CXXC5: variants seen among roughly 807,000 people sequenced by gnomAD.
CXXC5 encodes CXXC finger protein 5.
CXXC5 carries 2 observed loss-of-function variants against 17.6 expected under a neutral mutation model. The ratio of observed to expected loss-of-function variants is 0.11; its 90% confidence interval spans 0.05 to 0.36. The LOEUF (loss-of-function observed/expected upper bound fraction) is 0.36, where lower values mean the gene tolerates loss of function less well. Ranked by LOEUF, CXXC5 falls within the 10% of genes least tolerant of loss-of-function variation. CXXC5 has a pLI of 1.00. For synonymous variants in CXXC5, 171 were observed against 193.0 expected (o/e 0.89, Z 0.94); for missense variants, 343 against 458.3 (o/e 0.75, Z 2.30).
At chr5:139,656,480 C>T (rs1173198394) in intron 1 of CXXC5, among the ~76,000 whole-genome samples, 12 of 152,246 alleles carry the variant, frequency 7.9e-5, no homozygotes, top group Non-Finnish European at 1.6e-4. Flanking sequence ...GACACCCTCA[C>T]CCATGAAAAC....
chr5:139,671,457 A>G (rs1357887367), intron 1 of CXXC5, among the ~76,000 whole-genome samples: 1 of 152,180 alleles, frequency 6.6e-6, no homozygotes, highest in African/African-American at 2.4e-5. Context: ...GAGGCTTAGC[A>G]GTGGCTGGGC....
At chr5:139,659,257 G>A (rs1164500418) in intron 1 of CXXC5, among the ~76,000 whole-genome samples, 1 of 152,156 alleles carries the variant, frequency 6.6e-6, no homozygotes, top group Non-Finnish European at 1.5e-5. Context: ...AAGGACTGAG[G>A]TGGGGGGAGG....
At position 139,670,195 on chromosome 5, in the gene CXXC5, C is replaced by CT. The variant is rs1261295412; in HGVS notation, c.-160-10168dup. 6.6e-6 allele frequency among the ~76,000 whole-genome samples: 1 copy of CT among 152,212 alleles called. No individual in the cohort carries two copies. The highest frequency in any genetic ancestry group is 1.5e-5 in the Non-Finnish European group (1 of 68,040). ...CTCCCTCCTCCTCAGCCTCCCGCCTCTCGCCTGCCTCCCCCACGCCTCTGC... is the reference window on the plus strand; with the variant it reads ...CTCCCTCCTCCTCAGCCTCCCGCCTCTTCGCCTGCCTCCCCCACGCCTCTGC... On this transcript the variant is annotated intron_variant, in intron 1 of 2. Coordinates refer to ENST00000302517, the MANE Select transcript of CXXC5 (RefSeq NM_016463.9). This position sits in a 1 kb window ranked among gnomAD's most constrained non-coding sequence, Gnocchi z 4.2.
In CXXC5 at chr5:139,668,445, A is replaced by T. The variant is rs1756246273; in HGVS notation, c.-160-11919A>T. 6.6e-6 allele frequency among the ~76,000 whole-genome samples: 1 copy of T among 151,730 alleles called. No homozygotes were observed. Among genetic ancestry groups the T allele is most frequent in the African/African-American group, 2.4e-5 (1 of 41,290 alleles). On this transcript the variant is annotated intron_variant, in intron 1 of 2. Coordinates refer to ENST00000302517, the MANE Select transcript of CXXC5 (RefSeq NM_016463.9). This position sits in a 1 kb window ranked among gnomAD's most constrained non-coding sequence, Gnocchi z 4.1. ...CGCCCGCCCGGGTCCCAGGCCGACT[A>T]ATTAGGCCCGGCTACCTCCCGCGCC... is the stretch of plus-strand genomic sequence containing the variant.
intron 1 of CXXC5, among the ~76,000 whole-genome samples, chr5:139,674,704 C>T (rs1268458771): frequency 1.3e-5 from 2 of 152,166 alleles, no homozygotes; most frequent in African/African-American, 4.8e-5. Context: ...AACTATACCT[C>T]GATAAAACTG....
intron 1 of CXXC5, among the ~76,000 whole-genome samples, chr5:139,679,318 T>C (rs1339401006): frequency 1.3e-5 from 2 of 152,066 alleles, no homozygotes; most frequent in African/African-American, 4.8e-5. Flanking sequence ...ACGATAATGA[T>C]TGTGGTTCGG....
intron 1 of CXXC5, among the ~76,000 whole-genome samples, chr5:139,657,335 G>A (rs1755543016): frequency 1.3e-5 from 2 of 152,222 alleles, no homozygotes; most frequent in South Asian, 4.1e-4. Flanking sequence ...ACACTATCTG[G>A]CACACAGAAG....
rs1757379010 is a variant in CXXC5, at chr5:139,683,558, C to T, written c.*651C>T. 6.6e-6 allele frequency: 1 copy of T among 152,392 alleles called. No individual in the cohort carries two copies. Among genetic ancestry groups the T allele is most frequent in the South Asian group, 2.1e-4 (1 of 4,822 alleles). 9.4% of individuals were successfully genotyped at this position (152,392 alleles called of 1,614,324 possible). A position where few individuals can be genotyped will look rare whatever the true frequency, so the allele number is the denominator to read the frequency against. On this transcript the variant is annotated 3_prime_UTR_variant, in exon 3 of 3. Coordinates refer to ENST00000302517, the MANE Select transcript of CXXC5 (RefSeq NM_016463.9). ...ACCCACAGTCCCGAGACTGGGATCCCCCACCCCAACAGTGATTTTGGAAAA... is the reference window on the plus strand; with the variant it reads ...ACCCACAGTCCCGAGACTGGGATCCTCCACCCCAACAGTGATTTTGGAAAA...
At chr5:139,652,155 C>CGT (rs1365643794) in intron 1 of CXXC5, among the ~76,000 whole-genome samples, 3 of 76,928 alleles carry the variant, frequency 3.9e-5, no homozygotes, top group African/African-American at 1.8e-4. Flanking sequence ...CCGGCGCGCG[C>CGT]GCGCGCGCGC....
rs1156403498 is a variant in CXXC5, at chr5:139,668,470, C to CGCCCACTGCCCGCTCCAG, written c.-160-11889_-160-11872dup. 3.3e-5 allele frequency among the ~76,000 whole-genome samples: 5 copies of CGCCCACTGCCCGCTCCAG among 152,022 alleles called. No individual in the cohort carries two copies. The highest frequency in any genetic ancestry group is 6.5e-5 in the Admixed American group (1 of 15,284). ...AATTAGGCCCGGCTACCTCCCGCGC[C>CGCCCACTGCCCGCTCCAG]GCCCACTGCCCGCTCCAGGCCCGCT... is the stretch of plus-strand genomic sequence containing the variant. On this transcript the variant is annotated intron_variant, in intron 1 of 2. Transcript: ENST00000302517. The surrounding 1 kb of genome is among the most constrained non-coding windows in gnomAD (Gnocchi z 4.1).
intron 1 of CXXC5, among the ~76,000 whole-genome samples, chr5:139,671,334 G>A (rs912319028): frequency 1.3e-5 from 2 of 152,204 alleles, no homozygotes; most frequent in Non-Finnish European, 2.9e-5. Context: ...TTGGAGGAAT[G>A]GGGTGTGGGC....
intron 1 of CXXC5, among the ~76,000 whole-genome samples, chr5:139,674,955 G>A (rs528998759): frequency 1.3e-5 from 2 of 152,178 alleles, no homozygotes; most frequent in Non-Finnish European, 2.9e-5. Context: ...TCTCTTTCAT[G>A]CCTTTGTCCC....
chr5:139,682,326 C>A (rs1192016433), intron 2 of CXXC5, among the ~76,000 whole-genome samples: 3 of 148,648 alleles, frequency 2.0e-5, no homozygotes, highest in Non-Finnish European at 4.5e-5. Context: ...CTCCCCCAAC[C>A]CCAGCCCCAG....
At position 139,668,338 on chromosome 5, in the gene CXXC5, G is replaced by A. The variant is rs897556569; in HGVS notation, c.-160-12026G>A. 1.3e-5 allele frequency among the ~76,000 whole-genome samples: 2 copies of A among 152,040 alleles called. No individual in the cohort carries two copies. The highest frequency in any genetic ancestry group is 1.3e-4 in the Admixed American group (2 of 15,266). ...AGGCTGCCCGTCCCGCCGCGGCTCA[G>A]GGCGCCTCCCGGCTCCCTGCCGCCT... On this transcript the variant is annotated intron_variant, in intron 1 of 2. Transcript: ENST00000302517. This position sits in a 1 kb window ranked among gnomAD's most constrained non-coding sequence, Gnocchi z 4.1.
At chr5:139,673,810 C>T (rs1024182880) in intron 1 of CXXC5, among the ~76,000 whole-genome samples, 2 of 148,262 alleles carry the variant, frequency 1.3e-5, no homozygotes, top group African/African-American at 5.0e-5. Flanking sequence ...CCACGCACTC[C>T]AGCCTGGGTG....
At chr5:139,671,419 T>G (rs1756460612) in intron 1 of CXXC5, among the ~76,000 whole-genome samples, 1 of 152,188 alleles carries the variant, frequency 6.6e-6, no homozygotes, top group Non-Finnish European at 1.5e-5. Context: ...TGGACTGCTG[T>G]GACTGCCCCC....
chr5:139,654,930 A>G (rs1755405831), intron 1 of CXXC5, among the ~76,000 whole-genome samples: 1 of 152,128 alleles, frequency 6.6e-6, no homozygotes, highest in Non-Finnish European at 1.5e-5. Flanking sequence ...CTGCTGGCTC[A>G]GCTGAGCTGT....
intron 1 of CXXC5, among the ~76,000 whole-genome samples, chr5:139,671,586 C>T (rs1465363160): frequency 2.0e-5 from 3 of 152,332 alleles, no homozygotes; most frequent in Middle Eastern, 3.4e-3. Context: ...GGGAGGAGGC[C>T]GGAGCCGGTT....
chr5:139,652,825 G>A (rs1467078342), intron 1 of CXXC5, among the ~76,000 whole-genome samples: 2 of 152,150 alleles, frequency 1.3e-5, no homozygotes, highest in Non-Finnish European at 2.9e-5. Flanking sequence ...GAATTTTGGA[G>A]AGTTTGGATT....
Sources: allele counts gnomAD v4.1 joint callset (sites outside exome capture counted in the v4.1 genomes callset), GRCh38; gene constraint gnomAD v4.1.1; non-coding constraint Gnocchi (gnomAD v3.1); transcripts MANE v1.5; gene names NCBI Gene and HGNC (gene_info 2026-07-23, HGNC 2026-07-21).